The following RALYL variants were observed in gnomAD, a reference collection of about 807,000 sequenced individuals.
The protein encoded by RALYL is RNA-binding Raly-like protein.
A neutral mutation model predicts 35.1 loss-of-function variants in RALYL; 29 were observed. The ratio of observed to expected loss-of-function variants is 0.83; its 90% CI spans 0.61 to 1.13. The LOEUF (loss-of-function observed/expected upper bound fraction) is 1.13, where lower values mean the gene tolerates loss of function less well. Ranked by LOEUF, RALYL falls within the 50% of genes most tolerant of loss-of-function variation. The pLI is 0.00. For missense variants in RALYL, 359 were observed against 360.4 expected (o/e 1.00, Z 0.03); for synonymous variants, 120 against 127.6 (o/e 0.94, Z 0.40).
chr8:84,443,639 C>T (rs2048565077), intron 1 of RALYL, among the ~76,000 whole-genome samples: 1 of 152,074 alleles, frequency 6.6e-6, no homozygotes, highest in Non-Finnish European at 1.5e-5. Context: ...AATCTCGATG[C>T]CTGTAGGAGC....
chr8:84,675,411 C>T (rs1223254164), intron 2 of RALYL, among the ~76,000 whole-genome samples: 1 of 152,038 alleles, frequency 6.6e-6, no homozygotes, highest in Admixed American at 6.6e-5. Context: ...CAAATGGCTC[C>T]TTAAATAGGA....
chr8:84,548,391 T>C (rs1308081355), intron 2 of RALYL, among the ~76,000 whole-genome samples: 1 of 152,154 alleles, frequency 6.6e-6, no homozygotes, highest in East Asian at 1.9e-4. Flanking sequence ...CTTATTCTAA[T>C]TGCTATACTT....
intron 1 of RALYL, among the ~76,000 whole-genome samples, chr8:84,227,213 C>T (rs1422921946): frequency 6.6e-6 from 1 of 151,534 alleles, no homozygotes; most frequent in Non-Finnish European, 1.5e-5. Context: ...GGTGCAGCCA[C>T]CACACCTGGG....
At chr8:84,842,981 G>A (rs1271662258) in intron 4 of RALYL, among the ~76,000 whole-genome samples, 1 of 152,036 alleles carries the variant, frequency 6.6e-6, no homozygotes, top group Non-Finnish European at 1.5e-5. Flanking sequence ...AATAATAAGA[G>A]CTATCTATAA....
chr8:84,822,091 C>G (rs1828656804), intron 4 of RALYL, among the ~76,000 whole-genome samples: 1 of 152,142 alleles, frequency 6.6e-6, no homozygotes, highest in South Asian at 2.1e-4. Context: ...AGATGAAACA[C>G]TTGTTGAGAC....
At chr8:84,894,471 C>A (rs910982746) in intron 8 of RALYL, among the ~76,000 whole-genome samples, 4 of 152,138 alleles carry the variant, frequency 2.6e-5, no homozygotes, top group Non-Finnish European at 1.5e-5. Flanking sequence ...ATGCTATCTT[C>A]CCTGTCCTAC....
intron 2 of RALYL, among the ~76,000 whole-genome samples, chr8:84,642,090 A>G (rs1459265377): frequency 6.6e-6 from 1 of 152,082 alleles, no homozygotes; most frequent in Non-Finnish European, 1.5e-5. Flanking sequence ...AATATGAAAC[A>G]GAACATAATA....
intron 1 of RALYL, among the ~76,000 whole-genome samples, chr8:84,464,127 A>C (rs1335884833): frequency 7.2e-6 from 1 of 138,008 alleles, no homozygotes; most frequent in Non-Finnish European, 1.6e-5. Context: ...AAACATTAAA[A>C]CAAGTTTTTT....
chr8:84,893,797 A>G (rs1040097979), intron 8 of RALYL, among the ~76,000 whole-genome samples: 3 of 152,232 alleles, frequency 2.0e-5, no homozygotes, highest in African/African-American at 7.2e-5. Context: ...TAAATGGATT[A>G]AGGAGAATTT....
intron 4 of RALYL, among the ~76,000 whole-genome samples, chr8:84,817,072 C>T (rs909116918): frequency 8.5e-5 from 13 of 152,124 alleles, no homozygotes; most frequent in African/African-American, 2.9e-4. Context: ...TTGAGATGCA[C>T]GGGATCTATT....
intron 1 of RALYL, among the ~76,000 whole-genome samples, chr8:84,444,336 C>A (rs1286433709): frequency 6.6e-6 from 1 of 151,630 alleles, no homozygotes; most frequent in Non-Finnish European, 1.5e-5. Context: ...CAAAGAAAAG[C>A]AAACAAACAA....
chr8:84,258,568 C>A (rs546321117), intron 1 of RALYL, among the ~76,000 whole-genome samples: 2 of 152,014 alleles, frequency 1.3e-5, no homozygotes, highest in East Asian at 1.9e-4. Context: ...AAAAGGCATT[C>A]TTTCTATAAT....
intron 4 of RALYL, among the ~76,000 whole-genome samples, chr8:84,839,623 G>A (rs1467161275): frequency 6.6e-6 from 1 of 152,218 alleles, no homozygotes; most frequent in Non-Finnish European, 1.5e-5. Flanking sequence ...GAGAGTAGTG[G>A]TTCTCCCAGC....
chr8:84,414,736 T>C (rs1200246445), intron 1 of RALYL, among the ~76,000 whole-genome samples: 2 of 152,356 alleles, frequency 1.3e-5, no homozygotes, highest in East Asian at 3.9e-4. Context: ...GTTTGCATTT[T>C]CCCATGGCTT....
At chr8:84,751,230 C>G (rs1350417602) in intron 2 of RALYL, among the ~76,000 whole-genome samples, 1 of 151,906 alleles carries the variant, frequency 6.6e-6, no homozygotes, top group Non-Finnish European at 1.5e-5. Flanking sequence ...TTTTTTTAGA[C>G]TGAGTCTCAT....
intron 2 of RALYL, among the ~76,000 whole-genome samples, chr8:84,609,930 T>C (rs1218496428): frequency 6.6e-6 from 1 of 152,038 alleles, no homozygotes; most frequent in East Asian, 1.9e-4. Flanking sequence ...AGAGAGCGTA[T>C]GCAGGGGAAC....
chr8:84,267,201 A>T (rs201143308), intron 1 of RALYL, among the ~76,000 whole-genome samples: 1 of 152,162 alleles, frequency 6.6e-6, no homozygotes, highest in East Asian at 1.9e-4. Context: ...CTTTCAAATA[A>T]GAAAGAAAAA....
At chr8:84,662,499 T>G (rs1831127500) in intron 2 of RALYL, among the ~76,000 whole-genome samples, 2 of 152,304 alleles carry the variant, frequency 1.3e-5, no homozygotes, top group South Asian at 4.1e-4. Context: ...AGAAATCTTA[T>G]TCTTTACATA....
At chr8:84,466,537 C>T (rs1454272829) in intron 1 of RALYL, among the ~76,000 whole-genome samples, 2 of 151,712 alleles carry the variant, frequency 1.3e-5, no homozygotes, top group African/African-American at 2.4e-5. Flanking sequence ...CTGCTGTATT[C>T]GTTTTGCCAG....
Sources: allele counts gnomAD v4.1 joint callset (sites outside exome capture counted in the v4.1 genomes callset), GRCh38; gene constraint gnomAD v4.1.1; transcripts MANE v1.5; gene names NCBI Gene and HGNC (gene_info 2026-07-23, HGNC 2026-07-21).